Variants in EYS observed in about 807,000 individuals in gnomAD.
EYS encodes protein eyes shut homolog.
EYS carries 250 observed loss-of-function variants against 282.1 expected under a neutral mutation model. That is an observed-to-expected ratio of 0.89 (90% confidence interval 0.80 to 0.98). The LOEUF (loss-of-function observed/expected upper bound fraction) is 0.98. Among genes scored for constraint, EYS ranks in the 50% least tolerant of loss-of-function variants. EYS has a pLI of 0.00. For missense variants in EYS, 4,016 were observed against 3,709.0 expected (o/e 1.08, Z -2.15); for synonymous variants, 1,355 against 1,282.9 (o/e 1.06, Z -1.20).
chr6:64,657,630 A>C (rs1213016161), intron 22 of EYS, among the ~76,000 whole-genome samples: 1 of 152,076 alleles, frequency 6.6e-6, no homozygotes, highest in Non-Finnish European at 1.5e-5. Flanking sequence ...GTTTGGCTGG[A>C]TATGAAATTC....
intron 29 of EYS, among the ~76,000 whole-genome samples, chr6:64,342,502 A>G (rs969946982): frequency 2.6e-5 from 4 of 151,940 alleles, no homozygotes; most frequent in Non-Finnish European, 4.4e-5. Flanking sequence ...ATACTTTACA[A>G]ACAAGCAAAT....
intron 33 of EYS, among the ~76,000 whole-genome samples, chr6:64,001,811 C>T (rs755856215): frequency 5.9e-5 from 9 of 152,054 alleles, no homozygotes; most frequent in Non-Finnish European, 1.2e-4. Flanking sequence ...TAGGATAATA[C>T]CAGAGCTACT....
At chr6:64,406,346 A>C (rs1773707156) in intron 28 of EYS, among the ~76,000 whole-genome samples, 1 of 152,206 alleles carries the variant, frequency 6.6e-6, no homozygotes, top group South Asian at 2.1e-4. Context: ...TAAAACCTAA[A>C]ACTATAAAAA....
intron 11 of EYS, among the ~76,000 whole-genome samples, chr6:65,299,830 T>C (rs1768767823): frequency 6.6e-6 from 1 of 152,080 alleles, no homozygotes; most frequent in Non-Finnish European, 1.5e-5. Flanking sequence ...ATTGATGTCA[T>C]CCTATGGAAG....
intron 35 of EYS, among the ~76,000 whole-genome samples, chr6:63,958,512 G>A (rs1329781243): frequency 6.6e-6 from 1 of 152,310 alleles, no homozygotes; most frequent in African/African-American, 2.4e-5. Flanking sequence ...AAGTGCTGAT[G>A]TACAAGCTAC....
At chr6:64,286,077 A>G (rs1768489518) in intron 30 of EYS, among the ~76,000 whole-genome samples, 1 of 152,208 alleles carries the variant, frequency 6.6e-6, no homozygotes. Flanking sequence ...TAGTGCTGGC[A>G]ATATAGTGGG....
At chr6:64,645,586 G>T (rs1395815535) in intron 22 of EYS, among the ~76,000 whole-genome samples, 1 of 152,190 alleles carries the variant, frequency 6.6e-6, no homozygotes, top group African/African-American at 2.4e-5. Flanking sequence ...CTTGGTAAAT[G>T]ACAGATGCTT....
intron 7 of EYS, among the ~76,000 whole-genome samples, chr6:65,388,036 A>G (rs1157894693): frequency 3.3e-5 from 5 of 152,018 alleles, no homozygotes; most frequent in Non-Finnish European, 5.9e-5. Context: ...ATGCTTACAT[A>G]CTGTGACTTG....
At chr6:65,404,729 A>T (rs1766653288) in intron 6 of EYS, among the ~76,000 whole-genome samples, 1 of 152,062 alleles carries the variant, frequency 6.6e-6, no homozygotes, top group Non-Finnish European at 1.5e-5. Context: ...TCCTTTTCAG[A>T]GTGTTAGTAA....
intron 28 of EYS, among the ~76,000 whole-genome samples, chr6:64,413,348 C>A (rs1321637252): frequency 1.3e-5 from 2 of 152,058 alleles, no homozygotes; most frequent in Non-Finnish European, 2.9e-5. Context: ...GCTTCCCTTG[C>A]CAATGTCCAA....
chr6:64,459,947 GAA>G (rs68098455), intron 26 of EYS, among the ~76,000 whole-genome samples: 20 of 141,762 alleles, frequency 1.4e-4, no homozygotes, highest in African/African-American at 2.8e-4. Flanking sequence ...GTAATATCCA[GAA>G]AAAAAAAAAA....
intron 31 of EYS, among the ~76,000 whole-genome samples, chr6:64,135,719 TTAAG>T (rs1774139278): frequency 6.6e-6 from 1 of 152,080 alleles, no homozygotes; most frequent in South Asian, 2.1e-4. Context: ...ATACTGTAGT[TTAAG>T]TATGCAATAT....
At chr6:65,011,227 C>T (rs557702437) in intron 13 of EYS, among the ~76,000 whole-genome samples, 25 of 152,268 alleles carry the variant, frequency 1.6e-4, no homozygotes, top group East Asian at 1.2e-3. Context: ...TAGATAGCAC[C>T]GATCAGATGG....
rs1057440078 is a variant in EYS at position 63,899,954 on chromosome 6, A to G, written c.7056-35596T>C. ...TTAATTTTGGCTGAAATCTACATTT[A>G]TAGCATAAGTTTGTAAGAATATTTT... On this transcript the variant is annotated intron_variant, in intron 35 of 42. Transcript: ENST00000503581. 4.6e-5 allele frequency among the ~76,000 whole-genome samples: 7 copies of G among 152,242 alleles called. No homozygotes were observed. The East Asian group carries it at 5.8e-4, about 13-fold the overall frequency.
At chr6:64,324,718 T>C (rs1197937097) in intron 29 of EYS, among the ~76,000 whole-genome samples, 1 of 152,152 alleles carries the variant, frequency 6.6e-6, no homozygotes, top group African/African-American at 2.4e-5. Context: ...TAGAAAACCA[T>C]AAAGACTCTG....
At chr6:63,960,578 A>G (rs1766015190) in intron 35 of EYS, among the ~76,000 whole-genome samples, 1 of 152,216 alleles carries the variant, frequency 6.6e-6, no homozygotes, top group South Asian at 2.1e-4. Context: ...GAAATCTTTC[A>G]TGACAAGAAG....
At chr6:65,518,661 C>T (rs913490229) in intron 2 of EYS, among the ~76,000 whole-genome samples, 1 of 151,994 alleles carries the variant, frequency 6.6e-6, no homozygotes, top group African/African-American at 2.4e-5. Flanking sequence ...ATAAATATAG[C>T]AATAAGTGTA....
intron 29 of EYS, among the ~76,000 whole-genome samples, chr6:64,335,152 A>T (rs1193704592): frequency 2.0e-5 from 3 of 152,106 alleles, no homozygotes; most frequent in Admixed American, 1.3e-4. Flanking sequence ...AAAGGGGGGA[A>T]TAAAGAAGGA....
intron 11 of EYS, among the ~76,000 whole-genome samples, chr6:65,314,684 C>A (rs1769254327): frequency 1.3e-5 from 2 of 150,670 alleles, no homozygotes; most frequent in South Asian, 4.2e-4. Flanking sequence ...AATCTTGTAT[C>A]TACTGAACTC....
Sources: allele counts gnomAD v4.1 joint callset (sites outside exome capture counted in the v4.1 genomes callset), GRCh38; gene constraint gnomAD v4.1.1; transcripts MANE v1.5; gene names NCBI Gene and HGNC (gene_info 2026-07-23, HGNC 2026-07-21).